Variants in RPA3 observed in about 807,000 individuals in gnomAD.
The protein encoded by RPA3 is replication protein A3, also known as replication protein A 14 kDa subunit.
RPA3 carries 24 observed loss-of-function variants against 13.7 expected under a neutral mutation model. That is an observed-to-expected ratio of 1.75 (90% CI 1.27 to 2.46). The LOEUF is 2.46. Among genes scored for constraint, RPA3 ranks in the 30% most tolerant of loss-of-function variants. RPA3 has a pLI of 0.00. For missense variants in RPA3, 183 were observed against 151.0 expected, an observed-to-expected ratio of 1.21 and a Z score of -1.11; for synonymous variants, 59 against 51.2, an observed-to-expected ratio of 1.15 and a Z score of -0.65.
intron 4 of RPA3, among the ~76,000 whole-genome samples, chr7:7,669,798 T>G (rs1249914469): frequency 1.3e-5 from 2 of 152,196 alleles, no homozygotes; most frequent in Admixed American, 1.3e-4. Context: ...TGTCTGAAAT[T>G]ATCCAAAGCA....
intron 4 of RPA3, among the ~76,000 whole-genome samples, chr7:7,668,363 TA>T (rs1023658359): frequency 3.9e-5 from 6 of 152,170 alleles, no homozygotes; most frequent in African/African-American, 1.4e-4. Context: ...GGCAACTAAG[TA>T]AAAAAATTTA....
intron 4 of RPA3, among the ~76,000 whole-genome samples, chr7:7,662,316 A>G (rs951708320): frequency 6.6e-6 from 1 of 152,060 alleles, no homozygotes; most frequent in African/African-American, 2.4e-5. Context: ...CAGGGCAGTG[A>G]ATGGTTCTGT....
At chr7:7,661,726 C>G (rs35904330) in intron 4 of RPA3, among the ~76,000 whole-genome samples, 34,942 of 152,148 alleles carry the variant, frequency 0.23, 4,600 homozygotes, top group Middle Eastern at 0.33. Context: ...GAGCTCTCCT[C>G]TATGAGGTGT....
intron 4 of RPA3, among the ~76,000 whole-genome samples, chr7:7,647,780 T>G (rs1317089490): frequency 6.6e-6 from 1 of 152,168 alleles, no homozygotes. Context: ...ATAAAATCTT[T>G]CTTTTGTAGA....
intron 4 of RPA3, among the ~76,000 whole-genome samples, chr7:7,653,564 A>T (rs1785274773): frequency 6.6e-6 from 1 of 152,244 alleles, no homozygotes; most frequent in East Asian, 1.9e-4. Context: ...GCACTAGGTG[A>T]TCATACCCAT....
chr7:7,716,721 G>A (rs993039615), intron 1 of RPA3, among the ~76,000 whole-genome samples: 1 of 152,196 alleles, frequency 6.6e-6, no homozygotes, highest in Non-Finnish European at 1.5e-5. Flanking sequence ...CGAGGCAGGC[G>A]GATCACGAGG....
chr7:7,649,842 C>G (rs1479464451), intron 4 of RPA3, among the ~76,000 whole-genome samples: 2 of 152,252 alleles, frequency 1.3e-5, no homozygotes, highest in Admixed American at 1.3e-4. Context: ...GAATTGGATT[C>G]ATGCCCTTAT....
intron 4 of RPA3, among the ~76,000 whole-genome samples, chr7:7,674,285 T>TA (rs1355272204): frequency 6.6e-6 from 1 of 152,222 alleles, no homozygotes; most frequent in African/African-American, 2.4e-5. Flanking sequence ...TCCTACCTCT[T>TA]ACTTCCTTTA....
intron 2 of RPA3, among the ~76,000 whole-genome samples, chr7:7,706,716 T>C (rs763505794): frequency 2.0e-5 from 3 of 152,298 alleles, no homozygotes; most frequent in Non-Finnish European, 2.9e-5. Context: ...GTCGATGAGG[T>C]TGACTAACTT....
At chr7:7,674,182 A>G (rs1779682588) in intron 4 of RPA3, among the ~76,000 whole-genome samples, 2 of 152,052 alleles carry the variant, frequency 1.3e-5, no homozygotes, top group South Asian at 4.1e-4. Context: ...CTCCCACCAA[A>G]TTCCTACTCC....
chr7:7,670,537 A>G (rs1363103413), intron 4 of RPA3, among the ~76,000 whole-genome samples: 1 of 152,110 alleles, frequency 6.6e-6, no homozygotes, highest in Non-Finnish European at 1.5e-5. Flanking sequence ...ATATATTCAG[A>G]TCTGTCTCTC....
intron 4 of RPA3, among the ~76,000 whole-genome samples, chr7:7,646,219 G>T (rs1785090340): frequency 6.6e-6 from 1 of 152,200 alleles, no homozygotes; most frequent in South Asian, 2.1e-4. Context: ...GAGGAATCAG[G>T]TTACATGGGC....
At chr7:7,651,078 C>T (rs1420789215) in intron 4 of RPA3, among the ~76,000 whole-genome samples, 2 of 152,162 alleles carry the variant, frequency 1.3e-5, no homozygotes. Context: ...TACCAGAGCA[C>T]ATTTTTCTGG....
chr7:7,682,846 C>G (rs1408104127), intron 4 of RPA3, among the ~76,000 whole-genome samples: 2 of 152,234 alleles, frequency 1.3e-5, no homozygotes, highest in Non-Finnish European at 2.9e-5. Flanking sequence ...GATTTTTCAA[C>G]TAACTTCATG....
intron 4 of RPA3, among the ~76,000 whole-genome samples, chr7:7,683,866 G>A (rs920676561): frequency 6.6e-6 from 1 of 151,958 alleles, no homozygotes; most frequent in Non-Finnish European, 1.5e-5. Flanking sequence ...CAGGTGATCC[G>A]CCTGCCTTGG....
At chr7:7,645,974 G>A (rs529351436) in intron 4 of RPA3, among the ~76,000 whole-genome samples, 1 of 152,260 alleles carries the variant, frequency 6.6e-6, no homozygotes, top group African/African-American at 2.4e-5. Flanking sequence ...CGTTTGCTCG[G>A]CTGCCGTGTA....
Position 7,686,945 on chromosome 7 carries a change from C to G in RPA3, c.-927+283G>C, listed in dbSNP as rs28912737. On this transcript the variant is annotated intron_variant, in intron 3 of 7. Coordinates refer to ENST00000223129, the MANE Select transcript of RPA3 (RefSeq NM_002947.5). ...GTGGATATGATGATTATGTAGAATT[C>G]TAGCCAGCATCTAAGACCATGAGAA... Among the ~76,000 whole-genome samples the G allele has an allele frequency of 5.1e-3, 783 of 152,326 alleles. 6 individuals are homozygous for G. The highest frequency in any genetic ancestry group is 0.018 in the African/African-American group (750 of 41,560).
chr7:7,680,898 C>T (rs1012624773), intron 4 of RPA3, among the ~76,000 whole-genome samples: 9 of 151,318 alleles, frequency 5.9e-5, no homozygotes, highest in African/African-American at 1.5e-4. Context: ...TTTTGTATGC[C>T]GTAACCTTAC....
At chr7:7,660,276 A>T (rs1785441410) in intron 4 of RPA3, among the ~76,000 whole-genome samples, 1 of 152,172 alleles carries the variant, frequency 6.6e-6, no homozygotes, top group Admixed American at 6.5e-5. Flanking sequence ...TGTGTCTTTT[A>T]ATTGGGGGCA....
Sources: allele counts gnomAD v4.1 joint callset (sites outside exome capture counted in the v4.1 genomes callset), GRCh38; gene constraint gnomAD v4.1.1; transcripts MANE v1.5; gene names NCBI Gene and HGNC (gene_info 2026-07-23, HGNC 2026-07-21).